Variants in ANKFN1 observed in about 807,000 individuals in gnomAD.
ANKFN1 encodes the protein ankyrin repeat and fibronectin type III domain containing 1.
In ANKFN1, 74 loss-of-function variants were observed where a neutral mutation model predicts 108.7. The observed-to-expected ratio is 0.68, with a 90% CI of 0.56 to 0.83. The LOEUF is 0.83. ANKFN1 is among the 40% of genes least tolerant of loss of function. The pLI is 0.00. For synonymous variants in ANKFN1, 547 were observed against 516.2 expected (o/e 1.06, Z -0.81); for missense variants, 1,505 against 1,382.3 (o/e 1.09, Z -1.41).
At chr17:56,396,777 C>G (rs2047600139) in intron 8 of ANKFN1, among the ~76,000 whole-genome samples, 1 of 152,032 alleles carries the variant, frequency 6.6e-6, no homozygotes, top group African/African-American at 2.4e-5. Flanking sequence ...CAAGAACTTG[C>G]TGAAGGTCCC....
intron 2 of ANKFN1, among the ~76,000 whole-genome samples, chr17:56,221,590 T>C (rs974657419): frequency 6.6e-6 from 1 of 152,234 alleles, no homozygotes; most frequent in Non-Finnish European, 1.5e-5. Context: ...AATATTCTTA[T>C]AGCAATCAAG....
In ANKFN1 at chr17:56,084,935, C is replaced by A. The variant is rs553471688; in HGVS notation, c.288+38610C>A. 1.3e-4 allele frequency among the ~76,000 whole-genome samples: 20 copies of A among 150,704 alleles called. 1 individual carries two copies. Among genetic ancestry groups the A allele is most frequent in the African/African-American group, 2.4e-5 (1 of 41,034 alleles). On this transcript the variant is annotated intron_variant, in intron 4 of 12. Coordinates refer to the ANKFN1 transcript ENST00000635860. ...ATAAGGTGATGGCCTACTGTGAAGT[C>A]GGGAGCCTCAGACCCAGGGCAGACA...
At chr17:56,087,796 C>A (rs1170213527) in intron 4 of ANKFN1, among the ~76,000 whole-genome samples, 1 of 151,322 alleles carries the variant, frequency 6.6e-6, no homozygotes, top group South Asian at 2.1e-4. Flanking sequence ...ATTTGTGTGC[C>A]TATAATCCAT....
At chr17:56,389,077 A>G (rs79081643) in intron 8 of ANKFN1, among the ~76,000 whole-genome samples, 90 of 152,306 alleles carry the variant, frequency 5.9e-4, no homozygotes, top group African/African-American at 2.1e-3. Context: ...TCCCAGAAAA[A>G]TGAAAGTTTA....
intron 20 of ANKFN1, among the ~76,000 whole-genome samples, chr17:56,503,042 C>G (rs528468532): frequency 6.6e-6 from 1 of 152,258 alleles, no homozygotes; most frequent in Admixed American, 6.5e-5. Flanking sequence ...CAGCTCAAGG[C>G]AGGGAGTGGA....
chr17:56,402,489 G>A (rs1181782472), intron 8 of ANKFN1, among the ~76,000 whole-genome samples: 2 of 152,100 alleles, frequency 1.3e-5, no homozygotes, highest in Non-Finnish European at 2.9e-5. Flanking sequence ...GATGTTCATA[G>A]TAGCCTTGAA....
At chr17:56,507,521 C>T (rs1244772166) in intron 20 of ANKFN1, among the ~76,000 whole-genome samples, 1 of 152,116 alleles carries the variant, frequency 6.6e-6, no homozygotes, top group Non-Finnish European at 1.5e-5. Flanking sequence ...CTTCTCCACA[C>T]TCACAAATAC....
chr17:56,128,795 G>A (rs191519077), intron 4 of ANKFN1, among the ~76,000 whole-genome samples: 299 of 152,250 alleles, frequency 2.0e-3, no homozygotes, highest in Middle Eastern at 6.8e-3. Context: ...AATATCCCAT[G>A]GAAACAGTTC....
chr17:56,364,903 G>A (rs1253198169), intron 6 of ANKFN1, among the ~76,000 whole-genome samples: 2 of 152,170 alleles, frequency 1.3e-5, no homozygotes, highest in African/African-American at 2.4e-5. Flanking sequence ...ATGTCCTTGG[G>A]AAAATCTGAA....
intron 8 of ANKFN1, among the ~76,000 whole-genome samples, chr17:56,399,900 C>A (rs1387592915): frequency 7.2e-6 from 1 of 138,076 alleles, no homozygotes; most frequent in Non-Finnish European, 1.6e-5. Flanking sequence ...CTGAGTATTC[C>A]ATTTTATATA....
chr17:56,181,691 G>A (rs767292358), intron 1 of ANKFN1, among the ~76,000 whole-genome samples: 6 of 152,234 alleles, frequency 3.9e-5, no homozygotes, highest in African/African-American at 7.2e-5. Context: ...ACGTATGCAT[G>A]TATGAATGCA....
intron 1 of ANKFN1, among the ~76,000 whole-genome samples, chr17:56,170,803 T>C (rs373874800): frequency 0.018 from 1,225 of 67,914 alleles, 19 homozygotes; most frequent in African/African-American, 0.038. Context: ...TATATATATA[T>C]ATATACACAC....
chr17:56,212,962 G>A (rs1915130611), intron 2 of ANKFN1, among the ~76,000 whole-genome samples: 1 of 152,198 alleles, frequency 6.6e-6, no homozygotes, highest in South Asian at 2.1e-4. Context: ...TGCTAAAGCT[G>A]TTCACAATAG....
chr17:56,046,280 C>A, exon 4 of ANKFN1: 1 of 158,654 alleles, frequency 6.3e-6, no homozygotes. Context: ...GACTGGAGCC[C>A]GTGCACAGGC....
At position 56,487,964 on chromosome 17, in the gene ANKFN1, G is replaced by A. The variant is rs117186165; in HGVS notation, c.2261-4223G>A. Among the ~76,000 whole-genome samples the A allele has an allele frequency of 8.3e-4, 127 of 152,328 alleles. 2 individuals are homozygous for A. In the East Asian group the frequency reaches 0.024, roughly 29 times the overall value. On this transcript the variant is annotated intron_variant, in intron 18 of 20. Transcript: ENST00000682825. ...ATTGTGATGGATGCTTAAGGCATCT[G>A]AGGAAAAGTGACAGAGGATGAAGCT...
intron 4 of ANKFN1, among the ~76,000 whole-genome samples, chr17:56,347,841 G>A (rs1235170811): frequency 6.6e-6 from 1 of 151,956 alleles, no homozygotes; most frequent in Non-Finnish European, 1.5e-5. Flanking sequence ...AGACAAAAGG[G>A]GCCATGTGGG....
intron 14 of ANKFN1, among the ~76,000 whole-genome samples, chr17:56,462,908 T>C (rs1334728795): frequency 6.6e-6 from 1 of 152,174 alleles, no homozygotes; most frequent in African/African-American, 2.4e-5. Context: ...GGCTCAGACA[T>C]TTTATCACGG....
At chr17:56,203,991 T>C (rs1255134658) in intron 1 of ANKFN1, among the ~76,000 whole-genome samples, 1 of 151,568 alleles carries the variant, frequency 6.6e-6, no homozygotes, top group Non-Finnish European at 1.5e-5. Context: ...ATCTTAATGG[T>C]CCCCCTTAGG....
intron 4 of ANKFN1, among the ~76,000 whole-genome samples, chr17:56,117,175 G>C (rs1012545739): frequency 6.6e-6 from 1 of 152,078 alleles, no homozygotes; most frequent in Non-Finnish European, 1.5e-5. Flanking sequence ...TTGGACCACT[G>C]TCAGTCTTTT....
Sources: allele counts gnomAD v4.1 joint callset (sites outside exome capture counted in the v4.1 genomes callset), GRCh38; gene constraint gnomAD v4.1.1; transcripts MANE v1.5; gene names NCBI Gene and HGNC (gene_info 2026-07-23, HGNC 2026-07-21).